Variants in EYA1 observed in about 807,000 individuals in gnomAD.
EYA1 encodes the protein protein phosphatase EYA1.
Under a neutral mutation model 82.0 loss-of-function variants are expected in EYA1, and 16 were observed. The ratio of observed to expected loss-of-function variants is 0.20; its 90% CI spans 0.13 to 0.30. The LOEUF is 0.30. EYA1 is among the 10% of genes least tolerant of loss of function. The probability of loss-of-function intolerance (pLI) is 1.00; values close to 1 mark genes in which losing one functional copy is unlikely to be tolerated. For missense variants in EYA1, 633 were observed against 730.7 expected, an observed-to-expected ratio of 0.87 and a Z score of 1.54; for synonymous variants, 261 against 264.4, an observed-to-expected ratio of 0.99 and a Z score of 0.12.
chr8:71,376,236 C>G (rs1828362744), intron 2 of EYA1, among the ~76,000 whole-genome samples: 1 of 151,984 alleles, frequency 6.6e-6, no homozygotes, highest in Non-Finnish European at 1.5e-5. Context: ...AAAGGAACAG[C>G]AAGTTCAAAG....
At chr8:71,329,879 T>C (rs1391203272) in intron 4 of EYA1, among the ~76,000 whole-genome samples, 1 of 150,902 alleles carries the variant, frequency 6.6e-6, no homozygotes, top group South Asian at 2.1e-4. Flanking sequence ...CAGGAAAGAG[T>C]GGGGAGTAAC....
intron 2 of EYA1, among the ~76,000 whole-genome samples, chr8:71,491,518 G>A (rs1810996442): frequency 6.6e-6 from 1 of 152,168 alleles, no homozygotes; most frequent in African/African-American, 2.4e-5. Context: ...GTTAAACAAG[G>A]TTTTATGGGT....
intron 2 of EYA1, among the ~76,000 whole-genome samples, chr8:71,518,589 A>G (rs1176996974): frequency 1.3e-5 from 2 of 152,148 alleles, no homozygotes; most frequent in African/African-American, 4.8e-5. Flanking sequence ...CAAACAGAAA[A>G]CTGGCATAAA....
At chr8:71,318,084 T>A (rs1302886707) in intron 6 of EYA1, among the ~76,000 whole-genome samples, 1 of 152,210 alleles carries the variant, frequency 6.6e-6, no homozygotes, top group East Asian at 1.9e-4. Flanking sequence ...TATTGACTAG[T>A]GTTAAAAATA....
intron 2 of EYA1, among the ~76,000 whole-genome samples, chr8:71,411,408 C>A (rs1403331730): frequency 1.7e-5 from 1 of 59,216 alleles, no homozygotes; most frequent in East Asian, 3.0e-4. Context: ...AGAGCTTCTG[C>A]ACAGCAAAAG....
chr8:71,441,406 T>C (rs1806426013), intron 2 of EYA1, among the ~76,000 whole-genome samples: 1 of 151,900 alleles, frequency 6.6e-6, no homozygotes, highest in Non-Finnish European at 1.5e-5. Context: ...TGAAACTCCA[T>C]CTCAAAAAAT....
At chr8:71,407,939 A>C (rs1830356537) in intron 2 of EYA1, among the ~76,000 whole-genome samples, 3 of 150,898 alleles carry the variant, frequency 2.0e-5, no homozygotes, top group African/African-American at 7.3e-5. Flanking sequence ...CCAAAGTTGA[A>C]ATGAAGGAAA....
chr8:71,415,813 A>G lies in EYA1; in HGVS notation c.34-59302T>C, dbSNP rs73687704. Among the ~76,000 whole-genome samples, 921 of 152,366 alleles carry G rather than the reference A, an allele frequency of 6.0e-3. 12 individuals carry two copies. The highest frequency in any genetic ancestry group is 0.021 in the African/African-American group (873 of 41,584). On this transcript the variant is annotated intron_variant, in intron 2 of 18. Transcript: ENST00000643681. ...CTGAAATCTTCATTGACATTTATTA[A>G]TTACAGCCAGATCCAGCATAAACAA...
Position 71,356,492 on chromosome 8 carries a change from C to A in EYA1, c.-35G>T. ...ACTTGAGGAAACAGCAACATCTGAA[C>A]TGGCTTGAGATGTTTGCACCTGTGA... On this transcript the variant is annotated 5_prime_UTR_variant, in exon 2 of 18. Transcript: ENST00000340726. 1.3e-6 allele frequency: 2 copies of A among 1,582,178 alleles called. No homozygotes were observed. Among genetic ancestry groups the A allele is most frequent in the Non-Finnish European group, 1.7e-6 (2 of 1,163,036 alleles).
intron 2 of EYA1, among the ~76,000 whole-genome samples, chr8:71,423,554 T>C (rs910651489): frequency 6.6e-6 from 1 of 152,230 alleles, no homozygotes; most frequent in Non-Finnish European, 1.5e-5. Context: ...TATTTCATTG[T>C]CTTTCTTGCT....
intron 17 of EYA1, among the ~76,000 whole-genome samples, chr8:71,207,519 G>C (rs1227370148): frequency 6.6e-6 from 1 of 152,144 alleles, no homozygotes; most frequent in Non-Finnish European, 1.5e-5. Flanking sequence ...GTTTGCAGCA[G>C]ATATTTTTGG....
intron 3 of EYA1, among the ~76,000 whole-genome samples, chr8:71,349,693 C>A (rs1826117721): frequency 6.6e-6 from 1 of 152,210 alleles, no homozygotes; most frequent in Non-Finnish European, 1.5e-5. Context: ...TGTAAGTCCC[C>A]ATTTTACAGA....
chr8:71,253,770 C>T (rs977685574), intron 11 of EYA1, among the ~76,000 whole-genome samples: 4 of 152,154 alleles, frequency 2.6e-5, no homozygotes, highest in Non-Finnish European at 4.4e-5. Flanking sequence ...AGGAATGTGG[C>T]ACCTGCCAGG....
chr8:71,351,532 T>C (rs1826305700), intron 3 of EYA1, among the ~76,000 whole-genome samples: 1 of 152,094 alleles, frequency 6.6e-6, no homozygotes, highest in East Asian at 1.9e-4. Flanking sequence ...ATGTGAATAG[T>C]TGAAAGTTTT....
chr8:71,382,370 C>G (rs769885434), intron 2 of EYA1, among the ~76,000 whole-genome samples: 1 of 151,908 alleles, frequency 6.6e-6, no homozygotes, highest in Non-Finnish European at 1.5e-5. Context: ...TCTCAAAATT[C>G]GCTACTTTAA....
At chr8:71,438,622 G>C (rs1304950076) in intron 2 of EYA1, among the ~76,000 whole-genome samples, 1 of 152,140 alleles carries the variant, frequency 6.6e-6, no homozygotes, top group Admixed American at 6.6e-5. Context: ...TGAAGCATGT[G>C]AGGGTTACAA....
Position 71,321,952 on chromosome 8 carries a change from C to T in EYA1, c.273-73G>A, listed in dbSNP as rs774224752. The T allele has an allele frequency of 2.5e-6, 4 of 1,581,166 alleles. No homozygotes were observed. In the African/African-American group the frequency reaches 5.4e-5, roughly 21 times the overall value. ...AAACATGCAAACCGATTAACAACCA[C>T]ATCACAAATTCCAGCTAAATATTGT... On this transcript the variant is annotated intron_variant, in intron 5 of 17. Transcript: ENST00000340726.
At position 71,303,407 on chromosome 8, in the gene EYA1, T is replaced by C. The variant is rs1329659731; in HGVS notation, c.557-3687A>G. 2.8e-5 allele frequency among the ~76,000 whole-genome samples: 4 copies of C among 142,518 alleles called. 1 individual carries two copies. The highest frequency in any genetic ancestry group is 9.9e-5 in the African/African-American group (4 of 40,294). 93.5% of individuals were successfully genotyped at this position (142,518 alleles called of 152,430 possible). On this transcript the variant is annotated intron_variant, in intron 7 of 17. Coordinates refer to ENST00000340726, the MANE Select transcript of EYA1 (RefSeq NM_000503.6). ...CCTGTAAACTAACAAATACTAATTA[T>C]ATGTAAACTAGTCCTTCCCCTACAA...
intron 2 of EYA1, among the ~76,000 whole-genome samples, chr8:71,375,102 C>G (rs1036086291): frequency 2.0e-5 from 3 of 151,932 alleles, no homozygotes; most frequent in Non-Finnish European, 4.4e-5. Flanking sequence ...GTTAATTATA[C>G]CGCATTGTAT....
Sources: allele counts gnomAD v4.1 joint callset (sites outside exome capture counted in the v4.1 genomes callset), GRCh38; gene constraint gnomAD v4.1.1; transcripts MANE v1.5; gene names NCBI Gene and HGNC (gene_info 2026-07-23, HGNC 2026-07-21).